The following SIAH3 variants were observed in gnomAD, a reference collection of about 807,000 sequenced individuals.
The protein encoded by SIAH3 is siah E3 ubiquitin protein ligase family member 3, also known as seven in absentia homolog 3.
SIAH3 carries 9 observed loss-of-function variants against 12.6 expected under a neutral mutation model. The ratio of observed to expected loss-of-function variants is 0.72; its 90% confidence interval spans 0.43 to 1.25. SIAH3 has a LOEUF of 1.25. Among genes scored for constraint, SIAH3 ranks in the 50% most tolerant of loss-of-function variants. The pLI is 0.00. For synonymous variants in SIAH3, 154 were observed against 151.1 expected, an observed-to-expected ratio of 1.02 and a Z score of -0.14; for missense variants, 390 against 365.4, an observed-to-expected ratio of 1.07 and a Z score of -0.55.
chr13:45,847,557 G>T (rs915106797), intron 1 of SIAH3, among the ~76,000 whole-genome samples: 1 of 151,904 alleles, frequency 6.6e-6, no homozygotes, highest in African/African-American at 2.4e-5. Context: ...CCCAGCTTTA[G>T]ATTTCATATC....
chr13:45,821,252 A>T (rs1950654800), intron 1 of SIAH3, among the ~76,000 whole-genome samples: 1 of 152,224 alleles, frequency 6.6e-6, no homozygotes, highest in African/African-American at 2.4e-5. Context: ...TGCCATCTAC[A>T]AGCCATGGAA....
At chr13:45,784,185 C>CAACAAACAAACAAACAAACA (rs10578981) in intron 1 of SIAH3, 128 bp from the exon 2 acceptor site, 1 of 694,620 alleles carries the variant, frequency 1.4e-6, no homozygotes, top group Non-Finnish European at 2.4e-6. Flanking sequence ...ATTTCTTAAA[C>CAACAAACAAACAAACAAACA]AACAAACAAA....
At chr13:45,784,684 C>A (rs1224387979) in intron 1 of SIAH3, among the ~76,000 whole-genome samples, 1 of 151,570 alleles carries the variant, frequency 6.6e-6, no homozygotes, top group East Asian at 1.9e-4. Flanking sequence ...CTTTGCCGCA[C>A]CAGGCACACA....
intron 1 of SIAH3, among the ~76,000 whole-genome samples, chr13:45,819,152 G>A (rs768213255): frequency 1.3e-5 from 2 of 152,188 alleles, no homozygotes; most frequent in Non-Finnish European, 2.9e-5. Context: ...AAGGAAGAGA[G>A]GCCAGTGTAG....
intron 1 of SIAH3, among the ~76,000 whole-genome samples, chr13:45,790,349 A>G (rs888906694): frequency 6.6e-6 from 1 of 152,210 alleles, no homozygotes; most frequent in Non-Finnish European, 1.5e-5. Context: ...AATAATGAAA[A>G]GGGTCCATAT....
Position 45,823,789 on chromosome 13 carries a change from C to G in SIAH3, c.135+27706G>C, listed in dbSNP as rs191899051. On this transcript the variant is annotated intron_variant, in intron 1 of 1. Coordinates refer to ENST00000400405, the MANE Select transcript of SIAH3 (RefSeq NM_198849.3). ...GTGTTAATCTGGTGGTTTAGTCCTA[C>G]AGGCCTGACAGTATAGGGAGTGGTG... Among the ~76,000 whole-genome samples the G allele has an allele frequency of 1.5e-3, 222 of 152,342 alleles. 2 individuals are homozygous for G. The highest frequency in any genetic ancestry group is 5.1e-3 in the African/African-American group (212 of 41,572).
chr13:45,781,581 T>A lies in SIAH3; in HGVS notation c.*1802A>T, dbSNP rs1007591703. Reference sequence around the variant, plus strand: ...TGACATGTGCCTCCATCTGTGGCAATGTTTTTTGCCCCTCTCAGGGCTCTG... The same window carrying A: ...TGACATGTGCCTCCATCTGTGGCAAAGTTTTTTGCCCCTCTCAGGGCTCTG... On this transcript the variant is annotated 3_prime_UTR_variant, in exon 2 of 2. Coordinates refer to ENST00000400405, the MANE Select transcript of SIAH3 (RefSeq NM_198849.3). 1 of 152,228 alleles carries A rather than the reference T, an allele frequency of 6.6e-6. No individual in the cohort carries two copies. The highest frequency in any genetic ancestry group is 1.5e-5 in the Non-Finnish European group (1 of 68,048). The allele number at this position is 152,228 out of a possible 1,614,324, so 9.4% of individuals were successfully genotyped here. A position where few individuals can be genotyped will look rare whatever the true frequency, so the allele number is the denominator to read the frequency against.
intron 1 of SIAH3, among the ~76,000 whole-genome samples, chr13:45,848,112 C>G (rs1419203020): frequency 2.0e-5 from 3 of 152,172 alleles, no homozygotes; most frequent in African/African-American, 7.2e-5. Context: ...GGACCAGGAG[C>G]AGGCGCCCTC....
chr13:45,832,663 T>C (rs982054410), intron 1 of SIAH3, among the ~76,000 whole-genome samples: 1 of 152,204 alleles, frequency 6.6e-6, no homozygotes, highest in Non-Finnish European at 1.5e-5. Context: ...TGACTTTTTA[T>C]TTTCAGTTCT....
chr13:45,835,867 C>G (rs145237485), intron 1 of SIAH3, among the ~76,000 whole-genome samples: 3 of 152,228 alleles, frequency 2.0e-5, no homozygotes, highest in African/African-American at 7.2e-5. Context: ...TTAGAGCACG[C>G]TTTGGGAGAC....
At chr13:45,812,300 G>A (rs916161254) in intron 1 of SIAH3, among the ~76,000 whole-genome samples, 4 of 152,172 alleles carry the variant, frequency 2.6e-5, no homozygotes, top group African/African-American at 9.7e-5. Flanking sequence ...GGACAGACAA[G>A]CCCTGTGAGC....
At chr13:45,828,823 C>A (rs902743771) in intron 1 of SIAH3, among the ~76,000 whole-genome samples, 1 of 152,166 alleles carries the variant, frequency 6.6e-6, no homozygotes, top group Non-Finnish European at 1.5e-5. Context: ...ACCTGCTTAC[C>A]ATGCAGAAAA....
chr13:45,825,645 G>A (rs1950671793), intron 1 of SIAH3, among the ~76,000 whole-genome samples: 1 of 152,220 alleles, frequency 6.6e-6, no homozygotes, highest in South Asian at 2.1e-4. Context: ...GAGTCTCTTA[G>A]GAAACAACTT....
intron 1 of SIAH3, among the ~76,000 whole-genome samples, chr13:45,800,435 T>C (rs1950577637): frequency 6.6e-6 from 1 of 152,212 alleles, no homozygotes; most frequent in South Asian, 2.1e-4. Flanking sequence ...CTGCCAGATA[T>C]TGTGGATGAA....
At chr13:45,850,585 C>T (rs923959918) in intron 1 of SIAH3, among the ~76,000 whole-genome samples, 2 of 152,132 alleles carry the variant, frequency 1.3e-5, no homozygotes, top group South Asian at 4.1e-4. Flanking sequence ...TCCCCAGCCC[C>T]CACCTCCCTG....
chr13:45,849,381 T>G (rs76522326), intron 1 of SIAH3, among the ~76,000 whole-genome samples: 1,616 of 152,350 alleles, frequency 0.011, 12 homozygotes, highest in Non-Finnish European at 0.017. Context: ...AATTTCTAAA[T>G]TGCCTGAAGG....
At chr13:45,803,629 C>G (rs1021078119) in intron 1 of SIAH3, among the ~76,000 whole-genome samples, 1 of 152,196 alleles carries the variant, frequency 6.6e-6, no homozygotes, top group Admixed American at 6.5e-5. Context: ...AATTCAGCAG[C>G]CCTGAAAGTT....
At chr13:45,792,763 G>A (rs1057499158) in intron 1 of SIAH3, among the ~76,000 whole-genome samples, 8 of 152,148 alleles carry the variant, frequency 5.3e-5, no homozygotes, top group South Asian at 2.1e-4. Context: ...GGACCACCAC[G>A]TGTACTTTTG....
intron 1 of SIAH3, among the ~76,000 whole-genome samples, chr13:45,801,265 G>A (rs1181903699): frequency 1.3e-5 from 2 of 152,172 alleles, no homozygotes; most frequent in African/African-American, 4.8e-5. Context: ...TTGTGTTGGG[G>A]GTGACACTTG....
Sources: gnomAD v4.1 joint callset for allele counts (sites outside exome capture counted in the v4.1 genomes callset) on GRCh38, gnomAD v4.1.1 for gene constraint, MANE v1.5 for transcripts, NCBI Gene and HGNC (gene_info 2026-07-23, HGNC 2026-07-21) for gene names.